Variants in CCDC175 observed in about 807,000 individuals in gnomAD.
CCDC175 encodes the protein coiled-coil domain containing 175.
A neutral mutation model predicts 114.6 loss-of-function variants in CCDC175; 100 were observed. The ratio of observed to expected loss-of-function variants is 0.87; its 90% CI spans 0.74 to 1.03. CCDC175 has a LOEUF of 1.03. Ranked by LOEUF, CCDC175 falls within the 50% of genes least tolerant of loss-of-function variation. CCDC175 has a pLI of 0.00. For synonymous variants in CCDC175, 306 were observed against 308.7 expected, an observed-to-expected ratio of 0.99 and a Z score of 0.09; for missense variants, 880 against 917.8, an observed-to-expected ratio of 0.96 and a Z score of 0.53.
chr14:59,512,805 GGTGTGTGTGT>G (rs140076678), intron 17 of CCDC175, among the ~76,000 whole-genome samples: 1,666 of 144,440 alleles, frequency 0.012, 37 homozygotes, highest in African/African-American at 0.039. Context: ...TCTCAGCAGG[GGTGTGTGTGT>G]GTGTGTGTGT....
intron 6 of CCDC175, among the ~76,000 whole-genome samples, chr14:59,561,644 T>C (rs1161412269): frequency 6.6e-6 from 1 of 152,204 alleles, no homozygotes; most frequent in Non-Finnish European, 1.5e-5. Context: ...CCTTGATATC[T>C]ATGTTTGTGC....
chr14:59,543,503 A>G (rs776567830), intron 9 of CCDC175, 49 bp from the exon 10 acceptor site: 13 of 621,458 alleles, frequency 2.1e-5, no homozygotes, highest in Non-Finnish European at 3.1e-5. Context: ...TAAATATGCA[A>G]ACACAAATAA....
Position 59,566,115 on chromosome 14 carries a change from C to G in CCDC175, c.492-840G>C, listed in dbSNP as rs538975286. Among the ~76,000 whole-genome samples the G allele has an allele frequency of 2.6e-4, 40 of 152,260 alleles. No individual in the cohort carries two copies. The East Asian group carries it at 6.6e-3, about 25-fold the overall frequency. On this transcript the variant is annotated intron_variant, in intron 4 of 19. Coordinates refer to ENST00000537690, the MANE Select transcript of CCDC175 (RefSeq NM_001164399.2). The stretch of plus-strand genomic sequence containing the variant: ...GTCTATCTTTACTGTTTGAAGGATG[C>G]CTGAAACCTAATTTGAGCCCTCTTA...
intron 8 of CCDC175, among the ~76,000 whole-genome samples, chr14:59,546,490 T>C (rs1049889142): frequency 6.6e-6 from 1 of 152,136 alleles, no homozygotes; most frequent in African/African-American, 2.4e-5. Context: ...TAAAGGATAA[T>C]AGGTGATTGC....
rs190569208 is a variant in CCDC175, at chr14:59,546,630, C to A, written c.1036-1331G>T. On this transcript the variant is annotated intron_variant, in intron 8 of 19. Coordinates refer to ENST00000537690, the MANE Select transcript of CCDC175 (RefSeq NM_001164399.2). Reference sequence around the variant, plus strand: ...CCAAGTTTTGGGTTTTTTTGCATGGCAAGTGGAACAAAAGCCAACATGTAA... The same window carrying A: ...CCAAGTTTTGGGTTTTTTTGCATGGAAAGTGGAACAAAAGCCAACATGTAA... Among the ~76,000 whole-genome samples, 177 of 152,076 alleles carry A rather than the reference C, an allele frequency of 1.2e-3. 1 individual carries two copies. The highest frequency in any genetic ancestry group is 4.1e-3 in the African/African-American group (169 of 41,490).
chr14:59,570,871 G>A (rs1177096164), intron 3 of CCDC175, among the ~76,000 whole-genome samples: 3 of 151,928 alleles, frequency 2.0e-5, no homozygotes, highest in Non-Finnish European at 4.4e-5. Flanking sequence ...CCTGAGTAGC[G>A]GGGACTACAG....
chr14:59,518,418 C>G (rs8015134), intron 17 of CCDC175, among the ~76,000 whole-genome samples: 9,414 of 152,116 alleles, frequency 0.062, 386 homozygotes, highest in Middle Eastern at 0.11. Flanking sequence ...TTGCAATCTA[C>G]TCATCTGACA....
chr14:59,515,640 AAT>A (rs1402140006), intron 17 of CCDC175, among the ~76,000 whole-genome samples: 2 of 152,194 alleles, frequency 1.3e-5, no homozygotes, highest in Admixed American at 1.3e-4. Context: ...ATATGCACCC[AAT>A]ACAGGAGCAC....
At chr14:59,554,786 C>T (rs1330535782) in intron 7 of CCDC175, among the ~76,000 whole-genome samples, 1 of 152,090 alleles carries the variant, frequency 6.6e-6, no homozygotes, top group African/African-American at 2.4e-5. Context: ...ACTGGGATAT[C>T]ACCACCGATC....
At chr14:59,508,943 A>C (rs1892600266) in intron 19 of CCDC175, among the ~76,000 whole-genome samples, 1 of 152,172 alleles carries the variant, frequency 6.6e-6, no homozygotes, top group Non-Finnish European at 1.5e-5. Context: ...GAACTAAGAC[A>C]GTGCCTGGCT....
At chr14:59,547,356 G>A (rs1329354429) in intron 8 of CCDC175, among the ~76,000 whole-genome samples, 1 of 152,120 alleles carries the variant, frequency 6.6e-6, no homozygotes, top group Non-Finnish European at 1.5e-5. Flanking sequence ...ATCCAAACAG[G>A]TTTTTTGGAA....
rs138053707 is a variant in CCDC175, at chr14:59,513,105, G to A, written c.2099-1302C>T. Among the ~76,000 whole-genome samples, 1,253 of 152,250 alleles carry A rather than the reference G, an allele frequency of 8.2e-3. 8 individuals are homozygous for A. Among genetic ancestry groups the A allele is most frequent in the Non-Finnish European group, 0.014 (927 of 68,016 alleles). On this transcript the variant is annotated intron_variant, in intron 17 of 19. Coordinates refer to ENST00000537690, the MANE Select transcript of CCDC175 (RefSeq NM_001164399.2). ...CATAGTCTTTTCAAAAATAGTACTGGAACAACTGGATGTGTGTAAGAGAAA... is the reference window on the plus strand; with the variant it reads ...CATAGTCTTTTCAAAAATAGTACTGAAACAACTGGATGTGTGTAAGAGAAA...
chr14:59,525,359 T>G lies in CCDC175; in HGVS notation c.1918A>C (p.Lys640Gln), dbSNP rs1317223332. The change falls in exon 16 of 20, where the codon AAG becomes CAG. Residue 640 changes from lysine to glutamine, a missense_variant. By Grantham distance (53) the Lys-to-Gln change is moderately conservative (BLOSUM62 1). Coordinates refer to ENST00000537690, the MANE Select transcript of CCDC175 (RefSeq NM_001164399.2). ...ATATAGAATCCATTTTCTAAGTTCTTTAGAGTTTCAAAATGATCTTTGTTT... is the reference window on the plus strand; with the variant it reads ...ATATAGAATCCATTTTCTAAGTTCTGTAGAGTTTCAAAATGATCTTTGTTT... Reference protein sequence around the residue: ...KKNKDHFETLKNLENGFYIND... With the variant: ...KKNKDHFETLQNLENGFYIND... The G allele has an allele frequency of 1.3e-6, 2 of 1,517,938 alleles. No individual in the cohort carries two copies. The highest frequency in any genetic ancestry group is 1.8e-6 in the Non-Finnish European group (2 of 1,139,632). 94.0% of individuals were successfully genotyped at this position (1,517,938 alleles called of 1,614,324 possible).
intron 11 of CCDC175, 140 bp downstream of exon 11, chr14:59,540,535 G>T: frequency 1.0e-6 from 1 of 961,450 alleles, no homozygotes; most frequent in Non-Finnish European, 1.5e-6. Context: ...CTAGATCCGA[G>T]AGAATTTACA....
chr14:59,567,737 C>A (rs1030110584), intron 4 of CCDC175, among the ~76,000 whole-genome samples: 41 of 152,134 alleles, frequency 2.7e-4, no homozygotes, highest in Middle Eastern at 3.2e-3. Flanking sequence ...AATCTGGAAC[C>A]CTGTCCTGGG....
At chr14:59,537,823 T>C (rs959215376) in intron 13 of CCDC175, among the ~76,000 whole-genome samples, 200 bp downstream of exon 13, 1 of 152,224 alleles carries the variant, frequency 6.6e-6, no homozygotes, top group Non-Finnish European at 1.5e-5. Context: ...TGATTATTAT[T>C]ATTATTTTTT....
At chr14:59,540,801 A>T in intron 10 of CCDC175, 55 bp from the exon 11 acceptor site, 1 of 1,355,258 alleles carries the variant, frequency 7.4e-7, no homozygotes, top group Non-Finnish European at 1.0e-6. Context: ...AGAATATACA[A>T]TAGACTCTAT....
intron 7 of CCDC175, among the ~76,000 whole-genome samples, chr14:59,560,642 T>A (rs148847220): frequency 6.6e-6 from 1 of 152,192 alleles, no homozygotes; most frequent in African/African-American, 2.4e-5. Context: ...AGGCTTTGGA[T>A]GGATGGAAGA....
Position 59,527,188 on chromosome 14 carries a change from G to T in CCDC175, c.1763-14C>A. On this transcript the variant is annotated splice_polypyrimidine_tract_variant and intron_variant, in intron 14 of 19. Coordinates refer to ENST00000537690, the MANE Select transcript of CCDC175 (RefSeq NM_001164399.2). ...CCTGTCTTTGTGCTATTAAAACAAA[G>T]AAAAAAATAACTACCTCAAAAATTT... The T allele has an allele frequency of 7.3e-7, 1 of 1,364,628 alleles. No homozygotes were observed. The highest frequency in any genetic ancestry group is 3.1e-5 in the Admixed American group (1 of 32,222). The allele number at this position is 1,364,628 out of a possible 1,614,324, so 84.5% of individuals were successfully genotyped here.
Sources: allele counts gnomAD v4.1 joint callset (sites outside exome capture counted in the v4.1 genomes callset), GRCh38; gene constraint gnomAD v4.1.1; transcripts MANE v1.5; gene names NCBI Gene and HGNC (gene_info 2026-07-23, HGNC 2026-07-21).